AHCYL2: variants seen among roughly 807,000 people sequenced by gnomAD.
The protein encoded by AHCYL2 is adenosylhomocysteinase like 2, also known as S-adenosylhomocysteine hydrolase-like protein 2.
AHCYL2 carries 28 observed loss-of-function variants against 81.4 expected under a neutral mutation model. The observed-to-expected ratio is 0.34, with a 90% CI of 0.25 to 0.47. The LOEUF (loss-of-function observed/expected upper bound fraction) is 0.47. Ranked by LOEUF, AHCYL2 falls within the 20% of genes least tolerant of loss-of-function variation. AHCYL2 has a pLI of 1.00. For synonymous variants in AHCYL2, 272 were observed against 290.2 expected, an observed-to-expected ratio of 0.94 and a Z score of 0.64; for missense variants, 551 against 785.1, an observed-to-expected ratio of 0.70 and a Z score of 3.56.
rs57831290 is a variant in AHCYL2 at position 129,396,018 on chromosome 7, T to C, written c.721-1204T>C. 7.3e-3 allele frequency among the ~76,000 whole-genome samples: 1,110 copies of C among 152,356 alleles called. 16 individuals carry two copies. Among genetic ancestry groups the C allele is most frequent in the African/African-American group, 0.022 (905 of 41,574 alleles). The stretch of plus-strand genomic sequence containing the variant: ...GAGGGCAGTTCACTTCTGTGCTTTA[T>C]GACCTCAAATCTTTGATGGGCTCAA... On this transcript the variant is annotated intron_variant, in intron 4 of 16. Transcript: ENST00000325006.
Position 129,394,207 on chromosome 7 carries a change from TGCTGTGATGCCCAG to T in AHCYL2, c.721-3010_721-2997del, listed in dbSNP as rs112481553. Among the ~76,000 whole-genome samples the T allele has an allele frequency of 5.8e-3, 883 of 152,020 alleles. 10 individuals are homozygous for T. The highest frequency in any genetic ancestry group is 0.021 in the African/African-American group (851 of 41,474). On this transcript the variant is annotated intron_variant, in intron 4 of 16. Coordinates refer to ENST00000325006, the MANE Select transcript of AHCYL2 (RefSeq NM_015328.4). ...TTAATTTTTTGTAGAGAAGAGATCT[TGCTGTGATGCCCAG>T]GCTGGTCTCAAACTCCTGGCCTCAA... is the stretch of plus-strand genomic sequence containing the variant.
chr7:129,310,754 GAGTT>G (rs2150775011), intron 1 of AHCYL2, among the ~76,000 whole-genome samples: 1 of 152,238 alleles, frequency 6.6e-6, no homozygotes, highest in South Asian at 2.1e-4. Flanking sequence ...AAGAATAAGG[GAGTT>G]AGAGTTGCTG....
Position 129,280,920 on chromosome 7 carries a change from A to T in AHCYL2, c.363+55481A>T, listed in dbSNP as rs551905486. Among the ~76,000 whole-genome samples the T allele has an allele frequency of 6.0e-3, 795 of 132,932 alleles. 2 individuals carry two copies. The highest frequency in any genetic ancestry group is 8.7e-3 in the Non-Finnish European group (530 of 61,188). 87.2% of individuals were successfully genotyped at this position (132,932 alleles called of 152,430 possible). The stretch of plus-strand genomic sequence containing the variant: ...CGCTCTGTCGCCCAGGCTGGAGTGC[A>T]GTGGTGCCATCTTGGCTCACTGCAA... On this transcript the variant is annotated intron_variant, in intron 1 of 16. Transcript: ENST00000325006.
chr7:129,351,877 C>T (rs1388989097), intron 1 of AHCYL2, among the ~76,000 whole-genome samples: 5 of 152,104 alleles, frequency 3.3e-5, no homozygotes, highest in Non-Finnish European at 5.9e-5. Flanking sequence ...ACATTTTGCA[C>T]TAATGGTATA....
chr7:129,306,206 A>G (rs1423484449), intron 1 of AHCYL2, among the ~76,000 whole-genome samples: 2 of 152,036 alleles, frequency 1.3e-5, no homozygotes, highest in Non-Finnish European at 2.9e-5. Flanking sequence ...CCTTCTCTTT[A>G]AGGCCAATAA....
intron 1 of AHCYL2, among the ~76,000 whole-genome samples, chr7:129,257,088 A>T (rs574151997): frequency 5.1e-4 from 77 of 152,298 alleles, no homozygotes; most frequent in African/African-American, 1.8e-3. Context: ...TATTTTATCT[A>T]TGAAGAAGAG....
chr7:129,271,110 C>G (rs1156396466), intron 1 of AHCYL2, among the ~76,000 whole-genome samples: 1 of 151,814 alleles, frequency 6.6e-6, no homozygotes, highest in Non-Finnish European at 1.5e-5. Context: ...TGCCTGTAAT[C>G]CCAGCACTTT....
chr7:129,284,621 C>G (rs1022027265), intron 1 of AHCYL2, among the ~76,000 whole-genome samples: 84 of 143,582 alleles, frequency 5.9e-4, no homozygotes, highest in African/African-American at 2.0e-3. Context: ...AAAAAAAAAG[C>G]TTGGAATAGT....
chr7:129,299,369 GTTTTTTTTTTTTTTTTTTTTTTTTT>G (rs71162592), intron 1 of AHCYL2, among the ~76,000 whole-genome samples: 58 of 46,306 alleles, frequency 1.3e-3, no homozygotes, highest in South Asian at 7.2e-3. Context: ...AGTCCAACTT[GTTTTTTTTTTTTTTTTTTTTTTTTT>G]TTTTTTTTTT....
Position 129,427,150 on chromosome 7 carries a change from C to A in AHCYL2, c.*105C>A. On this transcript the variant is annotated 3_prime_UTR_variant, in exon 17 of 17. Transcript: ENST00000325006. The surrounding 1 kb of genome is among the most constrained non-coding windows in gnomAD (Gnocchi z 5.5). ...CAAGCTGCTTCTCCAATCAAAGCTG[C>A]CTGCCGTGCTCACCCTGTGTGTTAG... 1 of 1,193,660 alleles carries A rather than the reference C, an allele frequency of 8.4e-7. No individual in the cohort carries two copies. Among genetic ancestry groups the A allele is most frequent in the South Asian group, 1.3e-5 (1 of 77,780 alleles). The allele number at this position is 1,193,660 out of a possible 1,614,324, so 73.9% of individuals were successfully genotyped here.
chr7:129,243,829 G>A (rs573758485), intron 1 of AHCYL2, among the ~76,000 whole-genome samples: 2 of 152,068 alleles, frequency 1.3e-5, no homozygotes, highest in South Asian at 2.1e-4. Flanking sequence ...TCCTGGCCTC[G>A]TGATCCACCT....
chr7:129,304,894 A>C (rs1797377119), intron 1 of AHCYL2, among the ~76,000 whole-genome samples: 1 of 150,056 alleles, frequency 6.7e-6, no homozygotes, highest in African/African-American at 2.4e-5. Context: ...TGTTATTATT[A>C]ATAAGTAGGG....
At chr7:129,233,688 G>A (rs927549668) in intron 1 of AHCYL2, among the ~76,000 whole-genome samples, 1 of 152,060 alleles carries the variant, frequency 6.6e-6, no homozygotes, top group Non-Finnish European at 1.5e-5. Context: ...GCGTTTCACC[G>A]TGTTCGCCAG....
chr7:129,254,489 T>C (rs915978038), intron 1 of AHCYL2, among the ~76,000 whole-genome samples: 1 of 152,234 alleles, frequency 6.6e-6, no homozygotes, highest in African/African-American at 2.4e-5. Flanking sequence ...CTGTTTTTTC[T>C]AGAAACTCTG....
chr7:129,372,796 CAA>C (rs544264329), intron 1 of AHCYL2, among the ~76,000 whole-genome samples: 28 of 152,040 alleles, frequency 1.8e-4, no homozygotes, highest in South Asian at 8.3e-4. Context: ...GCCTGGGAGA[CAA>C]GAGCAAAACA....
intron 13 of AHCYL2, among the ~76,000 whole-genome samples, chr7:129,424,427 AATC>A (rs1260232261): frequency 2.0e-5 from 3 of 151,522 alleles, no homozygotes; most frequent in Non-Finnish European, 4.4e-5. Context: ...TCAATCAATC[AATC>A]ATCACAGCTT....
chr7:129,290,702 AG>A (rs1281408713), intron 1 of AHCYL2, among the ~76,000 whole-genome samples: 1 of 151,988 alleles, frequency 6.6e-6, no homozygotes, highest in African/African-American at 2.4e-5. Context: ...AGGCTGAGGC[AG>A]GTGGATCATG....
At chr7:129,363,436 G>A (rs182282648) in intron 1 of AHCYL2, among the ~76,000 whole-genome samples, 3 of 152,276 alleles carry the variant, frequency 2.0e-5, no homozygotes, top group East Asian at 3.9e-4. Flanking sequence ...AAGACGTAGT[G>A]AGGTTGCAGT....
chr7:129,414,420 CTTTTTTT>C (rs10653631), intron 12 of AHCYL2, among the ~76,000 whole-genome samples: 1 of 125,474 alleles, frequency 8.0e-6, no homozygotes, highest in Non-Finnish European at 1.6e-5. Context: ...AATGTTGTTT[CTTTTTTT>C]TTTTTTTTTT....
Sources: allele counts gnomAD v4.1 joint callset (sites outside exome capture counted in the v4.1 genomes callset), GRCh38; gene constraint gnomAD v4.1.1; non-coding constraint Gnocchi (gnomAD v3.1); transcripts MANE v1.5; gene names NCBI Gene and HGNC (gene_info 2026-07-23, HGNC 2026-07-21).